COG5: variants seen among roughly 807,000 people sequenced by gnomAD.
The protein encoded by COG5 is component of oligomeric golgi complex 5.
In COG5, 86 loss-of-function variants were observed where a neutral mutation model predicts 110.4. The observed-to-expected ratio is 0.78, with a 90% CI of 0.65 to 0.93. COG5 has a LOEUF of 0.93. COG5 is among the 40% of genes least tolerant of loss of function. COG5 has a pLI of 0.00. For missense variants in COG5, 1,077 were observed against 987.0 expected (o/e 1.09, Z -1.22); for synonymous variants, 360 against 334.6 (o/e 1.08, Z -0.83).
Position 107,552,179 on chromosome 7 carries a change from T to C in COG5, c.292+2106A>G, listed in dbSNP as rs977007076. Reference sequence around the variant, plus strand: ...CATCTAGACCTATACACACTCAATGTACTACCATGCCATCCTTATTAATAA... The same window carrying C: ...CATCTAGACCTATACACACTCAATGCACTACCATGCCATCCTTATTAATAA... On this transcript the variant is annotated intron_variant, in intron 3 of 21. Transcript: ENST00000297135. 2.0e-5 allele frequency among the ~76,000 whole-genome samples: 3 copies of C among 152,216 alleles called. No homozygotes were observed. In the East Asian group the frequency reaches 5.8e-4, roughly 29 times the overall value.
chr7:107,253,084 G>GT (rs1371539152), intron 16 of COG5: 2 of 152,144 alleles, frequency 1.3e-5, no homozygotes, highest in Non-Finnish European at 2.9e-5. Flanking sequence ...ATCCTGGACA[G>GT]TGAAACAAGG....
At chr7:107,477,979 T>C (rs901049048) in intron 6 of COG5, among the ~76,000 whole-genome samples, 2 of 151,898 alleles carry the variant, frequency 1.3e-5, no homozygotes, top group African/African-American at 2.4e-5. Context: ...GCAAAAGCAA[T>C]AGAGGCAACA....
chr7:107,375,218 C>A (rs1483160883), intron 7 of COG5, among the ~76,000 whole-genome samples: 1 of 152,024 alleles, frequency 6.6e-6, no homozygotes, highest in African/African-American at 2.4e-5. Context: ...TCATTTCTTA[C>A]TGCTGTGCAG....
Position 107,362,408 on chromosome 7 carries a change from C to T in COG5, c.848G>A (p.Arg283Gln), listed in dbSNP as rs768481355. Residue 283 changes from arginine (R) to glutamine (Q), a missense_variant, in exon 9 of 22, where the codon CGA becomes CAA. By Grantham distance (43) the Arg-to-Gln change is conservative (BLOSUM62 1). Coordinates refer to ENST00000297135, the MANE Select transcript of COG5 (RefSeq NM_006348.5). ...SQSAVRGGPGRSTMPTPGNTA... is the reference protein window; with the variant it reads ...SQSAVRGGPGQSTMPTPGNTA... ...ATTTCCTGGGGTTGGCATGGTAGAT[C>T]GTCCAGGTCCCCCTGGTTATGAGTG... 2.9e-5 allele frequency: 47 copies of T among 1,612,564 alleles called. No individual in the cohort carries two copies. The highest frequency in any genetic ancestry group is 4.0e-5 in the African/African-American group (3 of 74,830).
intron 16 of COG5, among the ~76,000 whole-genome samples, chr7:107,250,142 T>C (rs896975788): frequency 3.9e-5 from 6 of 152,048 alleles, no homozygotes; most frequent in Admixed American, 1.3e-4. Flanking sequence ...CAAATTAGAC[T>C]ACAAAAAGGA....
chr7:107,312,567 T>TG (rs1808365009), intron 11 of COG5, among the ~76,000 whole-genome samples: 1 of 152,102 alleles, frequency 6.6e-6, no homozygotes, highest in Non-Finnish European at 1.5e-5. Context: ...GTTACAGAGA[T>TG]GATGGGGAGG....
chr7:107,433,650 C>A (rs1248014458), intron 6 of COG5, among the ~76,000 whole-genome samples: 1 of 152,142 alleles, frequency 6.6e-6, no homozygotes, highest in African/African-American at 2.4e-5. Context: ...GTACCATTAC[C>A]TTAGCTATAC....
intron 6 of COG5, among the ~76,000 whole-genome samples, chr7:107,464,701 AAC>A (rs1796194952): frequency 6.6e-6 from 1 of 152,160 alleles, no homozygotes; most frequent in South Asian, 2.1e-4. Flanking sequence ...CATGGATGCT[AAC>A]ATAAGATGTA....
chr7:107,358,012 A>G lies in COG5; in HGVS notation c.1026+4021T>C, dbSNP rs373971853. On this transcript the variant is annotated intron_variant, in intron 10 of 21. Transcript: ENST00000297135. ...TGGCCTGCACAAGTTGCCAGTGTTC[A>G]TTCACCTTAATAATTTATTGTTATC... Among the ~76,000 whole-genome samples the G allele has an allele frequency of 2.6e-5, 4 of 152,218 alleles. No homozygotes were observed. In the East Asian group the frequency reaches 7.7e-4, roughly 29 times the overall value.
chr7:107,376,423 CTT>C (rs1814643024), intron 7 of COG5, among the ~76,000 whole-genome samples: 1 of 151,838 alleles, frequency 6.6e-6, no homozygotes, highest in African/African-American at 2.4e-5. Flanking sequence ...TATGGTATCT[CTT>C]TTCATTTACT....
chr7:107,204,710 A>G (rs1279065429), intron 21 of COG5, among the ~76,000 whole-genome samples: 1 of 152,128 alleles, frequency 6.6e-6, no homozygotes, highest in Non-Finnish European at 1.5e-5. Context: ...TCTGGCTATC[A>G]CTGATCAGTT....
chr7:107,510,129 C>A, intron 6 of COG5, among the ~76,000 whole-genome samples: 1 of 151,996 alleles, frequency 6.6e-6, no homozygotes, highest in East Asian at 1.9e-4. Context: ...CAAGACCCAT[C>A]AGTGTGCTGT....
At chr7:107,459,635 G>C (rs534434114) in intron 6 of COG5, among the ~76,000 whole-genome samples, 4 of 151,606 alleles carry the variant, frequency 2.6e-5, no homozygotes, top group African/African-American at 9.7e-5. Flanking sequence ...ATATCTACTG[G>C]GAAAAATAAA....
chr7:107,534,041 C>A lies in COG5; in HGVS notation c.418-6684G>T, dbSNP rs978168806. Among the ~76,000 whole-genome samples, 7 of 151,474 alleles carry A rather than the reference C, an allele frequency of 4.6e-5. 1 individual carries two copies. Among genetic ancestry groups the A allele is most frequent in the African/African-American group, 1.7e-4 (7 of 40,848 alleles). ...ATTCTTAAAGAAAAGAATTTTCAAC[C>A]CAGAATTTCATATCCAGCCAAACTA... is the stretch of plus-strand genomic sequence containing the variant. On this transcript the variant is annotated intron_variant, in intron 5 of 21. Transcript: ENST00000297135.
rs564873852 is a variant in COG5 at position 107,531,555 on chromosome 7, ATACT to A, written c.418-4202_418-4199del. The stretch of plus-strand genomic sequence containing the variant: ...TGTTCATACTGAAAACTAAAAATAA[ATACT>A]TAATCTTTCCCTTATTAGTTTTCAA... On this transcript the variant is annotated intron_variant, in intron 5 of 21. Transcript: ENST00000297135. Among the ~76,000 whole-genome samples the A allele has an allele frequency of 2.8e-3, 427 of 152,038 alleles. 1 individual carries two copies. The highest frequency in any genetic ancestry group is 4.7e-3 in the Non-Finnish European group (321 of 68,006).
chr7:107,334,323 C>A (rs779471515), intron 10 of COG5, among the ~76,000 whole-genome samples: 3 of 151,932 alleles, frequency 2.0e-5, no homozygotes, highest in Non-Finnish European at 2.9e-5. Context: ...CTGCATGTTT[C>A]CACTCATAAG....
At chr7:107,488,840 C>A (rs1024846278) in intron 6 of COG5, among the ~76,000 whole-genome samples, 3 of 152,028 alleles carry the variant, frequency 2.0e-5, no homozygotes, top group Non-Finnish European at 4.4e-5. Context: ...GAGTAAGACC[C>A]TGCCTCAAAA....
chr7:107,332,279 T>A (rs998562031), intron 10 of COG5, among the ~76,000 whole-genome samples: 5 of 152,176 alleles, frequency 3.3e-5, no homozygotes, highest in Admixed American at 6.5e-5. Context: ...GAAAACAATG[T>A]TGAGGGTGGG....
At chr7:107,270,866 A>G (rs1804205287) in intron 14 of COG5, among the ~76,000 whole-genome samples, 2 of 123,834 alleles carry the variant, frequency 1.6e-5, no homozygotes, top group African/African-American at 5.9e-5. Context: ...TTTATACTTC[A>G]TTATCCTAAC....
Sources: gnomAD v4.1 joint callset for allele counts (sites outside exome capture counted in the v4.1 genomes callset) on GRCh38, gnomAD v4.1.1 for gene constraint, MANE v1.5 for transcripts, NCBI Gene and HGNC (gene_info 2026-07-23, HGNC 2026-07-21) for gene names.